PTPRZ1: variants seen among roughly 807,000 people sequenced by gnomAD.
PTPRZ1 encodes receptor-type tyrosine-protein phosphatase zeta.
Under a neutral mutation model 214.1 loss-of-function variants are expected in PTPRZ1, and 82 were observed. That is an observed-to-expected ratio of 0.38 (90% CI 0.32 to 0.46). The LOEUF is 0.46. PTPRZ1 is among the 20% of genes least tolerant of loss of function. The probability of loss-of-function intolerance (pLI) is 1.00; values close to 1 mark genes in which losing one functional copy is unlikely to be tolerated. For missense variants in PTPRZ1, 2,603 were observed against 2,748.7 expected (o/e 0.95, Z 1.19); for synonymous variants, 945 against 987.9 (o/e 0.96, Z 0.81).
intron 19 of PTPRZ1, 74 bp downstream of exon 19, chr7:122,038,963 G>A: frequency 6.6e-7 from 1 of 1,513,972 alleles, no homozygotes; most frequent in Non-Finnish European, 9.0e-7. Context: ...AATAGAGTCA[G>A]CATTAGGAAG....
chr7:121,948,711 GTTATTTAAA>G (rs1796461506), intron 2 of PTPRZ1, among the ~76,000 whole-genome samples: 1 of 150,940 alleles, frequency 6.6e-6, no homozygotes, highest in Non-Finnish European at 1.5e-5. Context: ...CCATTATTTT[GTTATTTAAA>G]CCTCACAGTG....
intron 13 of PTPRZ1, 110 bp from the exon 14 acceptor site, chr7:122,028,442 C>T (rs2116713054): frequency 4.1e-6 from 3 of 738,830 alleles, no homozygotes; most frequent in Non-Finnish European, 6.8e-6. Flanking sequence ...TGGGTATATA[C>T]CTGCTTTTGT....
At chr7:121,948,072 G>A (rs1284378619) in intron 2 of PTPRZ1, among the ~76,000 whole-genome samples, 2 of 152,082 alleles carry the variant, frequency 1.3e-5, no homozygotes, top group African/African-American at 2.4e-5. Flanking sequence ...TCAGAGAACA[G>A]GCATGAGAGC....
intron 10 of PTPRZ1, among the ~76,000 whole-genome samples, chr7:122,001,706 G>C (rs2116627507): frequency 6.6e-6 from 1 of 152,056 alleles, no homozygotes; most frequent in South Asian, 2.1e-4. Flanking sequence ...TTGCTTTTTT[G>C]TGTTATAGAA....
intron 1 of PTPRZ1, among the ~76,000 whole-genome samples, chr7:121,898,455 A>T (rs1318771934): frequency 5.9e-5 from 9 of 152,186 alleles, no homozygotes; most frequent in African/African-American, 2.2e-4. Flanking sequence ...TGTAATATAA[A>T]TGTAATAGAT....
chr7:121,995,568 ATTCATT>A (rs979207029), intron 8 of PTPRZ1, among the ~76,000 whole-genome samples: 10 of 152,218 alleles, frequency 6.6e-5, no homozygotes, highest in Non-Finnish European at 1.2e-4. Context: ...ATGGGCCTGA[ATTCATT>A]TTAAGAAGTC....
intron 23 of PTPRZ1, among the ~76,000 whole-genome samples, chr7:122,046,030 C>G (rs1331246948): frequency 6.6e-6 from 1 of 152,116 alleles, no homozygotes; most frequent in Non-Finnish European, 1.5e-5. Flanking sequence ...TGCCAGATGC[C>G]AGGCTTTTGT....
In PTPRZ1 at chr7:121,959,380, G is replaced by A. The variant is rs1010300250; in HGVS notation, c.125-8571G>A. Among the ~76,000 whole-genome samples the A allele has an allele frequency of 4.6e-5, 7 of 152,170 alleles. No individual in the cohort carries two copies. In the South Asian group the frequency reaches 1.2e-3, roughly 27 times the overall value. ...ATCTGCCTTTATTTCAGTTTTAATAGCAGCTATAATCAACGTTGGGCAACT... is the reference window on the plus strand; with the variant it reads ...ATCTGCCTTTATTTCAGTTTTAATAACAGCTATAATCAACGTTGGGCAACT... On this transcript the variant is annotated intron_variant, in intron 2 of 29. Transcript: ENST00000393386.
intron 6 of PTPRZ1, among the ~76,000 whole-genome samples, chr7:121,980,959 G>A (rs1196507): frequency 0.42 from 63,208 of 151,656 alleles, 13,792 homozygotes; most frequent in South Asian, 0.56. Flanking sequence ...TGGCTAACAC[G>A]GTGAAACCCC....
At chr7:122,032,387 G>T (rs1276343800) in intron 15 of PTPRZ1, among the ~76,000 whole-genome samples, 1 of 152,124 alleles carries the variant, frequency 6.6e-6, no homozygotes, top group Non-Finnish European at 1.5e-5. Flanking sequence ...AAATAACAGA[G>T]TTCCATTCAA....
At chr7:121,966,072 A>G (rs1252689624) in intron 2 of PTPRZ1, among the ~76,000 whole-genome samples, 2 of 151,808 alleles carry the variant, frequency 1.3e-5, no homozygotes, top group African/African-American at 2.4e-5. Flanking sequence ...TTGAAGGCAG[A>G]CCCTAAAGAG....
At chr7:121,986,567 A>G (rs1362483872) in intron 8 of PTPRZ1, among the ~76,000 whole-genome samples, 1 of 152,130 alleles carries the variant, frequency 6.6e-6, no homozygotes, top group Non-Finnish European at 1.5e-5. Flanking sequence ...AAGGAAAATA[A>G]TTTTCTTGAA....
intron 6 of PTPRZ1, among the ~76,000 whole-genome samples, chr7:121,982,844 G>A (rs970590519): frequency 2.0e-5 from 3 of 151,854 alleles, no homozygotes; most frequent in African/African-American, 7.3e-5. Context: ...CGCCATCTTG[G>A]CTCACTGCAA....
intron 24 of PTPRZ1, 32 bp from the exon 25 acceptor site, chr7:122,051,834 T>A: frequency 6.3e-7 from 1 of 1,595,330 alleles, no homozygotes; most frequent in Non-Finnish European, 8.6e-7. Context: ...TTTTGTTTTG[T>A]TTTGTTTTAC....
chr7:121,958,093 T>G (rs1796767518), intron 2 of PTPRZ1, among the ~76,000 whole-genome samples: 1 of 152,248 alleles, frequency 6.6e-6, no homozygotes, highest in South Asian at 2.1e-4. Flanking sequence ...TGCGTCTGTC[T>G]CTGTGTGCCA....
At chr7:121,966,984 G>C (rs1174100930) in intron 2 of PTPRZ1, 1 of 152,072 alleles carries the variant, frequency 6.6e-6, no homozygotes, top group Non-Finnish European at 1.5e-5. Flanking sequence ...CCTTGTGATG[G>C]CCATGGAAAT....
intron 8 of PTPRZ1, among the ~76,000 whole-genome samples, chr7:121,993,060 T>C (rs1175379913): frequency 6.6e-6 from 1 of 152,104 alleles, no homozygotes; most frequent in Non-Finnish European, 1.5e-5. Flanking sequence ...AAGGAATCAG[T>C]ATGTGAGATA....
At chr7:121,909,911 A>C (rs961834246) in intron 1 of PTPRZ1, among the ~76,000 whole-genome samples, 1 of 152,182 alleles carries the variant, frequency 6.6e-6, no homozygotes, top group Non-Finnish European at 1.5e-5. Context: ...GCTGCTTTCC[A>C]TTATGAGTCT....
intron 1 of PTPRZ1, among the ~76,000 whole-genome samples, chr7:121,910,392 A>G (rs1299177289): frequency 1.3e-5 from 2 of 151,978 alleles, no homozygotes; most frequent in African/African-American, 2.4e-5. Context: ...GTTTTTGTTA[A>G]CTTTCTATCT....
Sources: allele counts gnomAD v4.1 joint callset (sites outside exome capture counted in the v4.1 genomes callset), GRCh38; gene constraint gnomAD v4.1.1; transcripts MANE v1.5; gene names NCBI Gene and HGNC (gene_info 2026-07-23, HGNC 2026-07-21).